ANK3: variants seen among roughly 807,000 people sequenced by gnomAD.
ANK3 encodes ankyrin 3.
A neutral mutation model predicts 370.9 loss-of-function variants in ANK3; 57 were observed. That is an observed-to-expected ratio of 0.15 (90% CI 0.12 to 0.19). ANK3 has a LOEUF of 0.19. Ranked by LOEUF, ANK3 falls within the 10% of genes least tolerant of loss-of-function variation. ANK3 has a pLI of 1.00. For missense variants in ANK3, 4,439 were observed against 5,302.1 expected (o/e 0.84, Z 5.06); for synonymous variants, 1,929 against 1,946.3 (o/e 0.99, Z 0.23).
chr10:60,260,688 T>C (rs932116463), intron 7 of ANK3, among the ~76,000 whole-genome samples: 9 of 152,172 alleles, frequency 5.9e-5, no homozygotes, highest in Non-Finnish European at 1.2e-4. Context: ...GAGGGAGTTC[T>C]CATGAGACCT....
intron 2 of ANK3, among the ~76,000 whole-genome samples, chr10:60,467,775 A>G (rs1231340048): frequency 6.6e-6 from 1 of 152,162 alleles, no homozygotes; most frequent in Non-Finnish European, 1.5e-5. Flanking sequence ...ATAAAAGAAA[A>G]AGGAAAACAG....
chr10:60,415,916 G>GCCA, intron 2 of ANK3, among the ~76,000 whole-genome samples: 1 of 81,276 alleles, frequency 1.2e-5, no homozygotes, highest in East Asian at 4.0e-4. Flanking sequence ...CTGAATTTGT[G>GCCA]CCCCCCACCC....
intron 1 of ANK3, among the ~76,000 whole-genome samples, chr10:60,379,552 C>G (rs907551409): frequency 2.6e-5 from 4 of 152,030 alleles, no homozygotes; most frequent in African/African-American, 9.7e-5. Flanking sequence ...GGAATGAAAT[C>G]CTGTCATTTG....
At chr10:60,119,771 C>CA (rs1043881202) in intron 25 of ANK3, among the ~76,000 whole-genome samples, 1 of 151,660 alleles carries the variant, frequency 6.6e-6, no homozygotes, top group Non-Finnish European at 1.5e-5. Context: ...GACTTCATCT[C>CA]AAAAAAATAA....
intron 2 of ANK3, among the ~76,000 whole-genome samples, chr10:60,439,043 A>G (rs963112434): frequency 2.0e-5 from 3 of 152,208 alleles, no homozygotes; most frequent in South Asian, 2.1e-4. Context: ...TTCTCATAAC[A>G]TGATCCTAAA....
At chr10:60,315,872 C>T (rs541610947) in intron 1 of ANK3, among the ~76,000 whole-genome samples, 1 of 152,226 alleles carries the variant, frequency 6.6e-6, no homozygotes, top group African/African-American at 2.4e-5. Flanking sequence ...CAAGATTCTG[C>T]CAGCAAATAT....
intron 1 of ANK3, among the ~76,000 whole-genome samples, chr10:60,697,280 C>T (rs1051454532): frequency 2.1e-4 from 32 of 151,630 alleles, no homozygotes; most frequent in African/African-American, 6.5e-4. Flanking sequence ...AAGAACATTC[C>T]ATGCTCATGG....
chr10:60,469,711 C>A (rs1262845065), intron 2 of ANK3, among the ~76,000 whole-genome samples: 3 of 118,800 alleles, frequency 2.5e-5, no homozygotes, highest in Admixed American at 9.5e-5. Flanking sequence ...GTCCTATATG[C>A]CATTTTTTAT....
chr10:60,553,195 G>A (rs2077129164), intron 2 of ANK3, among the ~76,000 whole-genome samples: 1 of 151,946 alleles, frequency 6.6e-6, no homozygotes, highest in Admixed American at 6.6e-5. Flanking sequence ...AAAAGGGCAA[G>A]AGAGAAGATA....
At chr10:60,533,280 T>C (rs1161799477) in intron 2 of ANK3, among the ~76,000 whole-genome samples, 1 of 152,092 alleles carries the variant, frequency 6.6e-6, no homozygotes, top group East Asian at 1.9e-4. Flanking sequence ...CTGGACTGGA[T>C]CTGTGTGATC....
intron 25 of ANK3, among the ~76,000 whole-genome samples, chr10:60,115,008 T>C (rs1020088602): frequency 2.0e-5 from 3 of 152,140 alleles, no homozygotes; most frequent in African/African-American, 7.2e-5. Context: ...TTGGTGGAGA[T>C]TTGGGTGGCC....
chr10:60,353,396 T>C (rs2057245073), intron 1 of ANK3, among the ~76,000 whole-genome samples: 1 of 152,172 alleles, frequency 6.6e-6, no homozygotes, highest in Admixed American at 6.5e-5. Flanking sequence ...TTTCATTACT[T>C]ATTTTAATTA....
intron 2 of ANK3, among the ~76,000 whole-genome samples, chr10:60,593,693 T>C (rs139453693): frequency 6.6e-6 from 1 of 152,316 alleles, no homozygotes; most frequent in African/African-American, 2.4e-5. Context: ...ATTAAATATG[T>C]ACCAAAGGTA....
At chr10:60,278,537 A>AT (rs913239153) in intron 4 of ANK3, among the ~76,000 whole-genome samples, 3 of 151,786 alleles carry the variant, frequency 2.0e-5, no homozygotes, top group Admixed American at 1.3e-4. Context: ...TGCCAGGCTA[A>AT]TTTTTTTTAT....
chr10:60,701,293 A>G (rs1335632914), intron 1 of ANK3, among the ~76,000 whole-genome samples: 1 of 152,204 alleles, frequency 6.6e-6, no homozygotes, highest in Non-Finnish European at 1.5e-5. Flanking sequence ...GGTCGAGAAT[A>G]TAAAACAGTA....
chr10:60,094,754 A>G (rs10994194), intron 28 of ANK3, among the ~76,000 whole-genome samples: 109,212 of 151,976 alleles, frequency 0.72, 40,279 homozygotes, highest in East Asian at 0.93. Context: ...AAAAGGAGGA[A>G]GTAAAGCCAT....
intron 2 of ANK3, among the ~76,000 whole-genome samples, chr10:60,417,696 C>T (rs1034609377): frequency 2.0e-5 from 3 of 152,126 alleles, no homozygotes. Context: ...GGGACACAGA[C>T]TGGCAGGTGG....
intron 8 of ANK3, among the ~76,000 whole-genome samples, chr10:60,224,441 C>A (rs1474481863): frequency 6.6e-6 from 1 of 151,962 alleles, no homozygotes; most frequent in Admixed American, 6.6e-5. Context: ...CTTGTACATG[C>A]GAAGGTCAAA....
chr10:60,440,495 T>G (rs531745292), intron 2 of ANK3, among the ~76,000 whole-genome samples: 1 of 152,216 alleles, frequency 6.6e-6, no homozygotes, highest in African/African-American at 2.4e-5. Flanking sequence ...GCAGATCTCA[T>G]GAAAACTCAT....
Sources: gnomAD v4.1 joint callset for allele counts (sites outside exome capture counted in the v4.1 genomes callset) on GRCh38, gnomAD v4.1.1 for gene constraint, MANE v1.5 for transcripts, NCBI Gene and HGNC (gene_info 2026-07-23, HGNC 2026-07-21) for gene names.